IL1RAPL1: variants seen among roughly 807,000 people sequenced by gnomAD.
IL1RAPL1 encodes interleukin-1 receptor accessory protein-like 1.
In IL1RAPL1, 3 loss-of-function variants were observed where a neutral mutation model predicts 48.4. That is an observed-to-expected ratio of 0.06 (90% CI 0.03 to 0.16). IL1RAPL1 has a LOEUF of 0.16. Ranked by LOEUF, IL1RAPL1 falls within the 10% of genes least tolerant of loss-of-function variation. The pLI, the probability that IL1RAPL1 is intolerant of heterozygous loss-of-function variation, is 1.00. For synonymous variants in IL1RAPL1, 185 were observed against 187.7 expected (o/e 0.99, Z 0.12); for missense variants, 349 against 530.6 (o/e 0.66, Z 3.36).
intron 5 of IL1RAPL1, among the ~76,000 whole-genome samples, chrX:29,487,968 A>G (rs1935114270): frequency 9.0e-6 from 1 of 111,127 alleles, no homozygotes; most frequent in Non-Finnish European, 1.9e-5. Context: ...TCCCCTTTTC[A>G]TCTTTAGTCT....
At chrX:28,682,907 G>A (rs765308284) in intron 1 of IL1RAPL1, among the ~76,000 whole-genome samples, 37 of 111,753 alleles carry the variant, frequency 3.3e-4, no homozygotes, top group Non-Finnish European at 4.7e-4. Flanking sequence ...TGATATATGC[G>A]ATTTAGCTGA....
At chrX:28,795,195 C>A (rs897989372) in intron 2 of IL1RAPL1, among the ~76,000 whole-genome samples, 2 of 111,210 alleles carry the variant, frequency 1.8e-5, no homozygotes, top group African/African-American at 6.5e-5. Flanking sequence ...AAAAATTCTC[C>A]TATTTATTGT....
At chrX:29,702,904 C>A (rs1413073967) in intron 6 of IL1RAPL1, among the ~76,000 whole-genome samples, 1 of 112,328 alleles carries the variant, frequency 8.9e-6, no homozygotes, top group Non-Finnish European at 1.9e-5. Flanking sequence ...TGGCCTAATA[C>A]AGCATTACTA....
chrX:29,461,787 A>G (rs1934806201), intron 5 of IL1RAPL1, among the ~76,000 whole-genome samples: 1 of 112,181 alleles, frequency 8.9e-6, no homozygotes, highest in Non-Finnish European at 1.9e-5. Context: ...TATTATTTCC[A>G]TTATATGACA....
intron 5 of IL1RAPL1, among the ~76,000 whole-genome samples, chrX:29,476,999 G>A (rs1333522594): frequency 2.9e-5 from 3 of 102,144 alleles, no homozygotes; most frequent in Admixed American, 1.0e-4. Context: ...TCCTGCCTCA[G>A]CCTCCCGAGT....
intron 1 of IL1RAPL1, among the ~76,000 whole-genome samples, chrX:28,742,832 T>G (rs1935927003): frequency 9.0e-6 from 1 of 111,199 alleles, no homozygotes; most frequent in African/African-American, 3.3e-5. Flanking sequence ...ACTTGAAGAG[T>G]GCAAAGAACA....
intron 6 of IL1RAPL1, among the ~76,000 whole-genome samples, chrX:29,873,589 T>C (rs1931846337): frequency 9.0e-6 from 1 of 111,496 alleles, no homozygotes; most frequent in Admixed American, 9.5e-5. Context: ...CGCCAGACAT[T>C]GAATCTGCTG....
chrX:29,334,957 T>C (rs1228610666), intron 3 of IL1RAPL1, among the ~76,000 whole-genome samples: 9 of 112,341 alleles, frequency 8.0e-5, no homozygotes, highest in Admixed American at 1.9e-4. Context: ...CGAGCCGAGA[T>C]CACGCCACTG....
intron 6 of IL1RAPL1, among the ~76,000 whole-genome samples, chrX:29,684,020 C>T (rs1253955551): frequency 9.0e-6 from 1 of 111,622 alleles, no homozygotes; most frequent in Admixed American, 9.5e-5. Flanking sequence ...TTGTTTGTAA[C>T]TCAAAGGATA....
intron 6 of IL1RAPL1, among the ~76,000 whole-genome samples, chrX:29,905,003 T>C (rs935551535): frequency 2.7e-5 from 3 of 112,108 alleles, no homozygotes; most frequent in African/African-American, 9.7e-5. Context: ...AGTGAAAGCA[T>C]TCCTATTTCT....
chrX:28,729,518 A>G (rs1405896400), intron 1 of IL1RAPL1, among the ~76,000 whole-genome samples: 1 of 111,458 alleles, frequency 9.0e-6, no homozygotes, highest in Non-Finnish European at 1.9e-5. Flanking sequence ...CTATAAACAG[A>G]GTATATGTCT....
intron 2 of IL1RAPL1, among the ~76,000 whole-genome samples, chrX:28,983,194 A>C (rs759634996): frequency 8.9e-6 from 1 of 111,799 alleles, no homozygotes; most frequent in South Asian, 3.8e-4. Context: ...AATTACTTGG[A>C]GAGCCAAGGT....
intron 5 of IL1RAPL1, among the ~76,000 whole-genome samples, chrX:29,643,901 G>A (rs1363340719): frequency 9.0e-6 from 1 of 111,697 alleles, no homozygotes; most frequent in African/African-American, 3.3e-5. Context: ...GTGTGTGTCA[G>A]GCGTAATACC....
chrX:29,536,078 G>T (rs73219662), intron 5 of IL1RAPL1, among the ~76,000 whole-genome samples: 1,903 of 111,510 alleles, frequency 0.017, 21 homozygotes, highest in Middle Eastern at 0.069. Context: ...ATTATGCATT[G>T]TGCTAAGGGC....
At chrX:28,950,693 C>A (rs1241870348) in intron 2 of IL1RAPL1, among the ~76,000 whole-genome samples, 2 of 108,624 alleles carry the variant, frequency 1.8e-5, no homozygotes, top group Non-Finnish European at 3.8e-5. Context: ...ACTAGTTCAA[C>A]CATTGTGGAA....
intron 2 of IL1RAPL1, among the ~76,000 whole-genome samples, chrX:29,192,297 A>G (rs1462300615): frequency 1.8e-5 from 2 of 111,712 alleles, no homozygotes; most frequent in East Asian, 2.8e-4. Context: ...GCATTACATA[A>G]TTTTTCAGTA....
At chrX:29,023,740 G>T (rs1481636655) in intron 2 of IL1RAPL1, among the ~76,000 whole-genome samples, 1 of 111,748 alleles carries the variant, frequency 8.9e-6, no homozygotes, top group Non-Finnish European at 1.9e-5. Context: ...CTTCCTATGG[G>T]GAATCTATGG....
intron 6 of IL1RAPL1, among the ~76,000 whole-genome samples, chrX:29,756,494 C>CCT (rs767230104): frequency 9.2e-4 from 102 of 111,247 alleles, no homozygotes; most frequent in Non-Finnish European, 1.7e-3. Context: ...CTCACTGGAA[C>CCT]CTCTGCCTCC....
chrX:29,413,216 T>C (rs1174306721), intron 5 of IL1RAPL1, among the ~76,000 whole-genome samples: 1 of 111,940 alleles, frequency 8.9e-6, no homozygotes, highest in Admixed American at 9.5e-5. Context: ...TCTGCCATGA[T>C]TTCCCAGCCA....
Sources: gnomAD v4.1 joint callset for allele counts (sites outside exome capture counted in the v4.1 genomes callset) on GRCh38, gnomAD v4.1.1 for gene constraint, MANE v1.5 for transcripts, NCBI Gene and HGNC (gene_info 2026-07-23, HGNC 2026-07-21) for gene names.